The following PCDHA1 variants were observed in gnomAD, a reference collection of about 807,000 sequenced individuals.
PCDHA1 encodes protocadherin alpha 1.
PCDHA1 carries 42 observed loss-of-function variants against 61.3 expected under a neutral mutation model. That is an observed-to-expected ratio of 0.69 (90% CI 0.54 to 0.89). PCDHA1 has a LOEUF of 0.89. Ranked by LOEUF, PCDHA1 falls within the 40% of genes least tolerant of loss-of-function variation. PCDHA1 has a pLI of 0.00. For missense variants in PCDHA1, 1,256 were observed against 1,235.3 expected (o/e 1.02, Z -0.25); for synonymous variants, 610 against 553.8 (o/e 1.10, Z -1.43).
chr5:140,823,543 G>A (rs2150126800), intron 1 of PCDHA1: 1 of 1,613,868 alleles, frequency 6.2e-7, no homozygotes, highest in Admixed American at 1.7e-5. Flanking sequence ...GGGCCACGTG[G>A]TGGCGAAGGT....
intron 3 of PCDHA1, among the ~76,000 whole-genome samples, chr5:140,998,105 A>G (rs1554256162): frequency 6.6e-6 from 1 of 152,204 alleles, no homozygotes; most frequent in African/African-American, 2.4e-5. Context: ...CAAACAGAGG[A>G]GAAAATTTAC....
chr5:140,969,167 T>G (rs1554231527), intron 1 of PCDHA1: 1 of 1,613,668 alleles, frequency 6.2e-7, no homozygotes. Flanking sequence ...GACAGCAGGC[T>G]CAGGGAGTGA....
intron 1 of PCDHA1, chr5:140,812,494 G>A (rs557452358): frequency 3.3e-5 from 5 of 151,792 alleles, no homozygotes; most frequent in Admixed American, 2.6e-4. Context: ...CTTTATTATA[G>A]TATTTCCTCC....
At chr5:140,858,645 T>C (rs2045537080) in intron 1 of PCDHA1, 1 of 818,880 alleles carries the variant, frequency 1.2e-6, no homozygotes, top group Non-Finnish European at 1.9e-6. Context: ...TGATTGGTAC[T>C]TAAATTTTTT....
At chr5:140,875,761 G>C (rs373515339) in intron 1 of PCDHA1, 4 of 1,614,118 alleles carry the variant, frequency 2.5e-6, no homozygotes, top group East Asian at 4.5e-5. Context: ...GAAGCTGTGC[G>C]GGCGGAGCGC....
intron 1 of PCDHA1, chr5:140,805,187 A>G: frequency 2.0e-6 from 3 of 1,477,228 alleles, no homozygotes; most frequent in South Asian, 1.4e-5. Flanking sequence ...TGCCAAATAA[A>G]TATTGAATAG....
At chr5:140,955,190 A>G (rs1269758289) in intron 1 of PCDHA1, among the ~76,000 whole-genome samples, 2 of 152,050 alleles carry the variant, frequency 1.3e-5, no homozygotes, top group Admixed American at 6.6e-5. Flanking sequence ...TGTGGTGTAT[A>G]TGAAGTCAAT....
intron 1 of PCDHA1, chr5:140,836,394 G>T (rs2150259652): frequency 6.2e-7 from 1 of 1,613,796 alleles, no homozygotes; most frequent in East Asian, 2.2e-5. Context: ...GTCGCTGGTG[G>T]AAAGCGGCCA....
intron 1 of PCDHA1, among the ~76,000 whole-genome samples, chr5:140,918,860 A>G (rs1264660506): frequency 6.6e-6 from 1 of 152,218 alleles, no homozygotes; most frequent in Non-Finnish European, 1.5e-5. Context: ...TGCCTGAATC[A>G]TGAACTTTCA....
intron 1 of PCDHA1, chr5:140,870,888 A>G: frequency 1.9e-6 from 3 of 1,613,936 alleles, no homozygotes; most frequent in Non-Finnish European, 2.5e-6. Context: ...AGGTGCGCGC[A>G]GTGGATGCGG....
At chr5:140,808,570 A>C in intron 1 of PCDHA1, 2 of 1,614,090 alleles carry the variant, frequency 1.2e-6, no homozygotes, top group South Asian at 2.2e-5. Flanking sequence ...CCGAGTACAC[A>C]GTGTTCGTGA....
intron 1 of PCDHA1, chr5:140,863,338 C>T (rs1297413635): frequency 1.3e-5 from 18 of 1,361,566 alleles, no homozygotes; most frequent in Non-Finnish European, 1.8e-5. Flanking sequence ...GCTCACGTTG[C>T]TGCTGTACAC....
At chr5:140,926,333 C>A (rs1244364456) in intron 1 of PCDHA1, 3 of 152,288 alleles carry the variant, frequency 2.0e-5, no homozygotes, top group African/African-American at 7.2e-5. Flanking sequence ...GGTCAGAGCG[C>A]CGGGACCCGA....
intron 1 of PCDHA1, chr5:140,876,140 C>T: frequency 6.2e-7 from 1 of 1,613,944 alleles, no homozygotes; most frequent in East Asian, 2.2e-5. Context: ...CCAGAACTAA[C>T]AGGGTCTGTC....
At chr5:140,899,251 G>A (rs1322090098) in intron 1 of PCDHA1, among the ~76,000 whole-genome samples, 1 of 152,082 alleles carries the variant, frequency 6.6e-6, no homozygotes, top group Non-Finnish European at 1.5e-5. Flanking sequence ...GTGAGAGAGG[G>A]CATCCCTGTC....
At chr5:140,851,386 G>A (rs1374142206) in intron 1 of PCDHA1, 1 of 975,080 alleles carries the variant, frequency 1.0e-6, no homozygotes, top group African/African-American at 1.8e-5. Flanking sequence ...GCAACCTTCA[G>A]TATCTATTAT....
At chr5:140,872,582 G>T (rs535860760) in intron 1 of PCDHA1, among the ~76,000 whole-genome samples, 2 of 152,202 alleles carry the variant, frequency 1.3e-5, no homozygotes, top group African/African-American at 4.8e-5. Context: ...ACCTATCATC[G>T]TGAGACCCCC....
intron 1 of PCDHA1, chr5:140,862,633 G>T (rs113613111): frequency 3.7e-6 from 2 of 537,190 alleles, no homozygotes; most frequent in East Asian, 5.1e-5. Context: ...GGGCTGCCAC[G>T]ACTTCACAGT....
intron 1 of PCDHA1, among the ~76,000 whole-genome samples, chr5:140,846,515 C>T (rs2150391789): frequency 6.8e-6 from 1 of 147,842 alleles, no homozygotes; most frequent in Non-Finnish European, 1.5e-5. Flanking sequence ...GCTGGGATTA[C>T]AGGTGCATGC....
Sources: allele counts gnomAD v4.1 joint callset (sites outside exome capture counted in the v4.1 genomes callset), GRCh38; gene constraint gnomAD v4.1.1; transcripts MANE v1.5; gene names NCBI Gene and HGNC (gene_info 2026-07-23, HGNC 2026-07-21).